Variants in HS6ST3 observed in about 807,000 individuals in gnomAD.
HS6ST3 encodes heparan-sulfate 6-O-sulfotransferase 3.
Under a neutral mutation model 36.7 loss-of-function variants are expected in HS6ST3, and 12 were observed. The ratio of observed to expected loss-of-function variants is 0.33; its 90% CI spans 0.21 to 0.53. The LOEUF is 0.53. Among genes scored for constraint, HS6ST3 ranks in the 20% least tolerant of loss-of-function variants. The probability of loss-of-function intolerance (pLI) is 0.95; values close to 1 mark genes in which losing one functional copy is unlikely to be tolerated. For missense variants in HS6ST3, 584 were observed against 640.9 expected (o/e 0.91, Z 0.96); for synonymous variants, 240 against 257.5 (o/e 0.93, Z 0.65).
At chr13:96,783,288 G>A (rs934391236) in intron 1 of HS6ST3, among the ~76,000 whole-genome samples, 4 of 152,058 alleles carry the variant, frequency 2.6e-5, no homozygotes, top group Admixed American at 6.6e-5. Context: ...CCTATATTGC[G>A]TTATGACTGC....
chr13:96,778,515 T>A (rs1285171406), intron 1 of HS6ST3, among the ~76,000 whole-genome samples: 6 of 152,088 alleles, frequency 3.9e-5, no homozygotes, highest in Non-Finnish European at 4.4e-5. Context: ...ATGAAGGATA[T>A]GAATAGACAC....
chr13:96,687,468 G>A (rs1874815783), intron 1 of HS6ST3, among the ~76,000 whole-genome samples: 1 of 152,168 alleles, frequency 6.6e-6, no homozygotes, highest in East Asian at 1.9e-4. Flanking sequence ...TATGCAGAAT[G>A]TCTGTAAACA....
chr13:96,134,451 T>C (rs2053991418), intron 1 of HS6ST3, among the ~76,000 whole-genome samples: 1 of 152,024 alleles, frequency 6.6e-6, no homozygotes, highest in Non-Finnish European at 1.5e-5. Context: ...TTGCTCTTTT[T>C]CTGATTTTTA....
At chr13:96,454,267 G>A (rs947020662) in intron 1 of HS6ST3, among the ~76,000 whole-genome samples, 6 of 152,162 alleles carry the variant, frequency 3.9e-5, no homozygotes, top group African/African-American at 1.4e-4. Context: ...TCATAGTGGG[G>A]TCTGTGCTGA....
At chr13:96,395,153 T>C (rs1483884139) in intron 1 of HS6ST3, among the ~76,000 whole-genome samples, 7 of 152,184 alleles carry the variant, frequency 4.6e-5, no homozygotes, top group Non-Finnish European at 1.0e-4. Flanking sequence ...CTATTCCTTT[T>C]TCCAGCACTG....
intron 1 of HS6ST3, among the ~76,000 whole-genome samples, chr13:96,474,674 G>A (rs1475891318): frequency 1.3e-5 from 2 of 152,128 alleles, no homozygotes; most frequent in African/African-American, 4.8e-5. Flanking sequence ...ACAATAATCG[G>A]CTCCAATGAA....
At chr13:96,537,238 T>TA (rs2138939363) in intron 1 of HS6ST3, among the ~76,000 whole-genome samples, 1 of 152,302 alleles carries the variant, frequency 6.6e-6, no homozygotes, top group South Asian at 2.1e-4. Flanking sequence ...AAACCCCTTA[T>TA]AAAACCATCA....
intron 1 of HS6ST3, among the ~76,000 whole-genome samples, chr13:96,466,741 C>T (rs1594786341): frequency 6.7e-6 from 1 of 150,168 alleles, no homozygotes; most frequent in Admixed American, 6.7e-5. Context: ...TGTATCAAAC[C>T]ATGAAGTTGG....
chr13:96,637,471 A>G (rs1439238412), intron 1 of HS6ST3, among the ~76,000 whole-genome samples: 3 of 152,108 alleles, frequency 2.0e-5, no homozygotes, highest in Admixed American at 2.0e-4. Flanking sequence ...CATCTGGAAA[A>G]TGGGGATACT....
intron 1 of HS6ST3, among the ~76,000 whole-genome samples, chr13:96,503,899 T>A (rs1001742221): frequency 5.3e-5 from 8 of 152,134 alleles, no homozygotes; most frequent in Non-Finnish European, 1.2e-4. Flanking sequence ...ATGGGGAGAT[T>A]GAGTGTCCCA....
chr13:96,668,177 C>T, intron 1 of HS6ST3, among the ~76,000 whole-genome samples: 1 of 151,998 alleles, frequency 6.6e-6, no homozygotes, highest in East Asian at 1.9e-4. Flanking sequence ...CGCATACACA[C>T]ACACACACAC....
In HS6ST3 at chr13:96,833,142, G is replaced by A. The variant is rs1341090183; in HGVS notation, c.1360G>A (p.Gly454Arg). 1 of 1,598,712 alleles carries A rather than the reference G, an allele frequency of 6.3e-7. No individual in the cohort carries two copies. The highest frequency in any genetic ancestry group is 1.7e-5 in the Admixed American group (1 of 59,686). ...GGACCACCAGTGGCCCAAAGAAGAT[G>A]GGGCTGCAGAAGGGACTGTCACCGA... The part of the protein sequence containing the change: ...HRDHQWPKED[G>R]AAEGTVTEDY... The change falls in exon 2 of 2, where the codon GGG (glycine) becomes AGG (arginine). Residue 454 changes from glycine to arginine, a missense_variant. Gly to Arg is a moderately radical substitution (Grantham distance 125, BLOSUM62 -2). This residue lies in a region of HS6ST3 where 360 missense variants were observed against 411.3 expected (regional missense o/e 0.88). Coordinates refer to ENST00000376705, the MANE Select transcript of HS6ST3 (RefSeq NM_153456.4).
chr13:96,238,884 A>G (rs9525164), intron 1 of HS6ST3, among the ~76,000 whole-genome samples: 53,859 of 152,144 alleles, frequency 0.35, 10,800 homozygotes, highest in Non-Finnish European at 0.46. Context: ...AATGATCCAG[A>G]TTGTAAGATG....
rs2056140592 is a variant in HS6ST3, at chr13:96,532,723, T to G, written c.708-299767T>G. ...ACCTAAATCACTGAACAAAAGAAGG[T>G]GGTTGACCCGAACTTCAGGAAGTCA... On this transcript the variant is annotated intron_variant, in intron 1 of 1. Coordinates refer to ENST00000376705, the MANE Select transcript of HS6ST3 (RefSeq NM_153456.4). Among the ~76,000 whole-genome samples the G allele has an allele frequency of 2.6e-5, 4 of 151,910 alleles. No individual in the cohort carries two copies. The South Asian group carries it at 8.3e-4, about 32-fold the overall frequency.
chr13:96,307,893 G>A (rs546508325), intron 1 of HS6ST3, among the ~76,000 whole-genome samples: 1 of 151,940 alleles, frequency 6.6e-6, no homozygotes, highest in African/African-American at 2.4e-5. Context: ...AAAAGAAAAC[G>A]GTTTTGACTT....
chr13:96,179,621 A>G (rs2054229628), intron 1 of HS6ST3, among the ~76,000 whole-genome samples: 1 of 152,222 alleles, frequency 6.6e-6, no homozygotes, highest in South Asian at 2.1e-4. Flanking sequence ...TTTTGGGCCA[A>G]CATGCGGGAG....
At chr13:96,782,028 G>A (rs1877539362) in intron 1 of HS6ST3, among the ~76,000 whole-genome samples, 1 of 152,060 alleles carries the variant, frequency 6.6e-6, no homozygotes, top group Non-Finnish European at 1.5e-5. Flanking sequence ...TCCGAGATCT[G>A]TTAGGAAAAC....
intron 1 of HS6ST3, among the ~76,000 whole-genome samples, chr13:96,349,776 T>C (rs1488948433): frequency 6.6e-6 from 1 of 152,216 alleles, no homozygotes; most frequent in African/African-American, 2.4e-5. Context: ...GAATTGTTAA[T>C]GCCATATGAC....
chr13:96,670,590 C>G (rs2138430861), intron 1 of HS6ST3, among the ~76,000 whole-genome samples: 1 of 152,110 alleles, frequency 6.6e-6, no homozygotes, highest in Non-Finnish European at 1.5e-5. Flanking sequence ...GGTATTGATC[C>G]TAGATTCATC....
Sources: allele counts gnomAD v4.1 joint callset (sites outside exome capture counted in the v4.1 genomes callset), GRCh38; gene constraint gnomAD v4.1.1; regional missense constraint gnomAD v4.1.1; transcripts MANE v1.5; gene names NCBI Gene and HGNC (gene_info 2026-07-23, HGNC 2026-07-21).